Variants in SLC60A2 observed in about 807,000 individuals in gnomAD.
The protein encoded by SLC60A2 is solute carrier family 60 member 2.
chr6:111,271,167 C>CAAAA, the SLC60A2 span: 3 of 73,586 alleles, frequency 4.1e-5, no homozygotes, highest in African/African-American at 1.7e-4. Flanking sequence ...GACTCCATCT[C>CAAAA]AAAAAAAAAA....
the SLC60A2 span, chr6:111,266,999 A>G: frequency 1.2e-6 from 2 of 1,614,228 alleles, no homozygotes; most frequent in Non-Finnish European, 1.7e-6. Context: ...CGGAGCCCAC[A>G]GCTGAAGTCT....
the SLC60A2 span, chr6:111,266,788 C>T: frequency 5.0e-6 from 8 of 1,614,058 alleles, no homozygotes; most frequent in Non-Finnish European, 6.8e-6. Flanking sequence ...AAATTAGCCA[C>T]TTCACCTCTT....
chr6:111,275,423 T>C, the SLC60A2 span, among the ~76,000 whole-genome samples: 61,382 of 149,980 alleles, frequency 0.41, 14,832 homozygotes, highest in Non-Finnish European at 0.55. Context: ...TTTTTTTTTT[T>C]TTTTAATATG....
chr6:111,278,075 A>T, the SLC60A2 span: 1 of 152,244 alleles, frequency 6.6e-6, no homozygotes, highest in South Asian at 2.1e-4. Context: ...TGTTGAAGAA[A>T]TACTCAGAGA....
chr6:111,262,168 C>T, the SLC60A2 span: 2 of 1,069,152 alleles, frequency 1.9e-6, no homozygotes, highest in East Asian at 5.0e-5. Context: ...CCTCCGCCCC[C>T]CTTTTTTTTT....
the SLC60A2 span, among the ~76,000 whole-genome samples, chr6:111,260,062 C>T: frequency 6.6e-6 from 1 of 152,134 alleles, no homozygotes; most frequent in African/African-American, 2.4e-5. Context: ...AGGCGCCTGC[C>T]ACTAAGCCCG....
chr6:111,260,227 G>C, the SLC60A2 span, among the ~76,000 whole-genome samples: 1 of 152,110 alleles, frequency 6.6e-6, no homozygotes, highest in African/African-American at 2.4e-5. Flanking sequence ...GCCTTCCTAC[G>C]TCTCCTTCGT....
the SLC60A2 span, among the ~76,000 whole-genome samples, chr6:111,277,049 C>T: frequency 6.6e-6 from 1 of 152,226 alleles, no homozygotes; most frequent in Non-Finnish European, 1.5e-5. Flanking sequence ...AAGGGGTTCC[C>T]TTTGGGTTGA....
the SLC60A2 span, among the ~76,000 whole-genome samples, chr6:111,263,636 TTATTTA>T: frequency 6.6e-6 from 1 of 152,202 alleles, no homozygotes; most frequent in African/African-American, 2.4e-5. Context: ...TGTGTTATAA[TTATTTA>T]TATTTCATAA....
chr6:111,262,195 C>T, the SLC60A2 span: 1 of 1,394,588 alleles, frequency 7.2e-7, no homozygotes, highest in African/African-American at 1.4e-5. Context: ...GAAGAAACTA[C>T]CACATAGTTA....
chr6:111,275,792 G>T, the SLC60A2 span, among the ~76,000 whole-genome samples: 1 of 152,190 alleles, frequency 6.6e-6, no homozygotes, highest in Non-Finnish European at 1.5e-5. Flanking sequence ...ATGGAAAAAT[G>T]TATCTTTTAA....
the SLC60A2 span, chr6:111,270,732 C>G: frequency 2.0e-5 from 3 of 152,096 alleles, no homozygotes; most frequent in African/African-American, 4.8e-5. Context: ...GTAGTCCCAG[C>G]TACTCGGGAG....
At chr6:111,263,878 GCAAGA>G in the SLC60A2 span, 1 of 1,611,856 alleles carries the variant, frequency 6.2e-7, no homozygotes, top group Non-Finnish European at 8.5e-7. Flanking sequence ...GTTCCTTTTT[GCAAGA>G]CAGCAATATT....
the SLC60A2 span, chr6:111,262,283 C>T: frequency 6.2e-7 from 1 of 1,613,976 alleles, no homozygotes; most frequent in Non-Finnish European, 8.5e-7. Context: ...TAGTGGGACC[C>T]ACGTTTCAAG....
chr6:111,266,335 C>T, the SLC60A2 span: 14 of 1,613,958 alleles, frequency 8.7e-6, no homozygotes, highest in Non-Finnish European at 1.1e-5. Flanking sequence ...TTTGCAACCA[C>T]CCATGCTGGC....
the SLC60A2 span, chr6:111,259,550 G>A: frequency 4.4e-6 from 3 of 688,982 alleles, no homozygotes; most frequent in Admixed American, 7.4e-5. Context: ...TGGAGTTAGA[G>A]GTGGAGCTCC....
At chr6:111,263,842 C>T in the SLC60A2 span, 89 of 1,592,652 alleles carry the variant, frequency 5.6e-5, no homozygotes, top group Admixed American at 4.5e-4. Flanking sequence ...ATCTCAATGT[C>T]GGCTACCACC....
At chr6:111,269,010 T>G in the SLC60A2 span, 1 of 152,204 alleles carries the variant, frequency 6.6e-6, no homozygotes, top group Non-Finnish European at 1.5e-5. Context: ...GTAGGCTTGC[T>G]TTCTCTTACT....
the SLC60A2 span, chr6:111,259,760 G>C: frequency 1.9e-6 from 3 of 1,552,986 alleles, no homozygotes; most frequent in African/African-American, 4.1e-5. Context: ...TCCCAGGCCG[G>C]GGCGTTCGAG....
Sources: allele counts gnomAD v4.1 joint callset (sites outside exome capture counted in the v4.1 genomes callset), GRCh38; gene constraint gnomAD v4.1.1; transcripts MANE v1.5; gene names NCBI Gene and HGNC (gene_info 2026-07-23, HGNC 2026-07-21).